SHROOM3: variants seen among roughly 807,000 people sequenced by gnomAD.
SHROOM3 encodes the protein shroom family member 3, also known as protein Shroom3.
In SHROOM3, 47 loss-of-function variants were observed where a neutral mutation model predicts 138.6. The observed-to-expected ratio is 0.34, with a 90% CI of 0.27 to 0.43. The LOEUF (loss-of-function observed/expected upper bound fraction) is 0.43. SHROOM3 is among the 20% of genes least tolerant of loss of function. SHROOM3 has a pLI of 1.00. For missense variants in SHROOM3, 2,491 were observed against 2,596.5 expected (o/e 0.96, Z 0.88); for synonymous variants, 1,062 against 1,063.3 (o/e 1.00, Z 0.02).
chr4:76,681,455 TA>T (rs535374678), intron 2 of SHROOM3, among the ~76,000 whole-genome samples: 3,124 of 145,266 alleles, frequency 0.022, 45 homozygotes, highest in Admixed American at 0.042. Context: ...ACTGTTTCTT[TA>T]AAAAAAAAAA....
intron 2 of SHROOM3, among the ~76,000 whole-genome samples, chr4:76,573,073 A>T (rs1376050302): frequency 1.3e-5 from 2 of 151,446 alleles, no homozygotes; most frequent in African/African-American, 2.4e-5. Flanking sequence ...AGAGCTAGAC[A>T]CTGTCTCAAA....
chr4:76,577,578 T>C (rs2110041624), intron 2 of SHROOM3, among the ~76,000 whole-genome samples: 1 of 152,308 alleles, frequency 6.6e-6, no homozygotes, highest in South Asian at 2.1e-4. Flanking sequence ...ATATAACAAT[T>C]CACGTTTATC....
intron 2 of SHROOM3, among the ~76,000 whole-genome samples, chr4:76,601,515 T>G (rs1489431036): frequency 6.6e-6 from 1 of 152,184 alleles, no homozygotes; most frequent in Non-Finnish European, 1.5e-5. Flanking sequence ...GAAAATATAC[T>G]CCTTTGCTTT....
rs183458259 is a variant in SHROOM3, at chr4:76,641,533, C to T, written c.324-68623C>T. ...TGTCAGGAAGAAGGGCACACCCTAG[C>T]CGATGCACGGAAGTAACATTTGCAT... On this transcript the variant is annotated intron_variant, in intron 2 of 10. Transcript: ENST00000296043. Among the ~76,000 whole-genome samples, 172 of 152,330 alleles carry T rather than the reference C, an allele frequency of 1.1e-3. 2 individuals carry two copies. Among genetic ancestry groups the T allele is most frequent in the Non-Finnish European group, 1.0e-4 (7 of 68,032 alleles).
At chr4:76,580,658 T>G (rs1373112331) in intron 2 of SHROOM3, among the ~76,000 whole-genome samples, 3 of 152,106 alleles carry the variant, frequency 2.0e-5, no homozygotes, top group Non-Finnish European at 2.9e-5. Flanking sequence ...ACACCTGACC[T>G]CAGGTGATCT....
rs777510055 is a variant in SHROOM3 at position 76,710,120 on chromosome 4, A to G, written c.324-36A>G. On this transcript the variant is annotated intron_variant, in intron 2 of 10. Coordinates refer to ENST00000296043, the MANE Select transcript of SHROOM3 (RefSeq NM_020859.4). Reference sequence around the variant, plus strand: ...ATTTGTGCTCCTGTCCATGAACACCATCATGCTCAGCTTCTTCTTTTCCTA... The same window carrying G: ...ATTTGTGCTCCTGTCCATGAACACCGTCATGCTCAGCTTCTTCTTTTCCTA... The G allele has an allele frequency of 1.1e-5, 17 of 1,613,426 alleles. No homozygotes were observed. In the East Asian group the frequency reaches 3.1e-4, roughly 30 times the overall value.
chr4:76,645,891 C>G (rs1327301980), intron 2 of SHROOM3, among the ~76,000 whole-genome samples: 1 of 152,090 alleles, frequency 6.6e-6, no homozygotes, highest in Non-Finnish European at 1.5e-5. Context: ...CTCATACTCC[C>G]CAAAATAGGC....
intron 1 of SHROOM3, among the ~76,000 whole-genome samples, chr4:76,535,512 A>T (rs947384802): frequency 2.0e-5 from 3 of 152,230 alleles, no homozygotes; most frequent in Non-Finnish European, 2.9e-5. Context: ...GGTGATCTTG[A>T]TGACAATAAT....
intron 2 of SHROOM3, among the ~76,000 whole-genome samples, chr4:76,676,944 C>CAAAAAAAAAAAAAA (rs58270392): frequency 2.5e-5 from 2 of 79,046 alleles, no homozygotes; most frequent in African/African-American, 1.1e-4. Flanking sequence ...CTCCGTCTCA[C>CAAAAAAAAAAAAAA]AAAAAAAAAA....
chr4:76,607,827 A>G (rs1734654750), intron 2 of SHROOM3, among the ~76,000 whole-genome samples: 2 of 152,190 alleles, frequency 1.3e-5, no homozygotes, highest in East Asian at 1.9e-4. Flanking sequence ...GCCCCTGGTA[A>G]TCCATGGAAA....
intron 1 of SHROOM3, among the ~76,000 whole-genome samples, chr4:76,515,558 A>G (rs1732427377): frequency 6.6e-6 from 1 of 152,190 alleles, no homozygotes; most frequent in Non-Finnish European, 1.5e-5. Context: ...TAATGAGCAC[A>G]TTGACCATTG....
rs140906429 is a variant in SHROOM3 at position 76,662,256 on chromosome 4, T to G, written c.324-47900T>G. On this transcript the variant is annotated intron_variant, in intron 2 of 10. Transcript: ENST00000296043. ...AATTCAGCTCCTTCTTGTTGTTGTTTGAATTCAGTTTCTTGTGGTTGTAGG... is the reference window on the plus strand; with the variant it reads ...AATTCAGCTCCTTCTTGTTGTTGTTGGAATTCAGTTTCTTGTGGTTGTAGG... Among the ~76,000 whole-genome samples the G allele has an allele frequency of 2.9e-3, 437 of 152,274 alleles. 1 individual carries two copies. Among genetic ancestry groups the G allele is most frequent in the African/African-American group, 9.5e-3 (395 of 41,540 alleles).
intron 1 of SHROOM3, among the ~76,000 whole-genome samples, chr4:76,524,736 C>G (rs1174148401): frequency 2.0e-5 from 3 of 152,170 alleles, no homozygotes; most frequent in Admixed American, 6.5e-5. Context: ...TACCCCTTCA[C>G]CCTGCCCCCA....
intron 2 of SHROOM3, among the ~76,000 whole-genome samples, chr4:76,686,992 G>A (rs1161666035): frequency 6.6e-6 from 1 of 152,178 alleles, no homozygotes; most frequent in Non-Finnish European, 1.5e-5. Context: ...ACTTATTCCA[G>A]TCTCTCTGGT....
At chr4:76,772,103 CTTTTTT>C (rs35590411) in intron 10 of SHROOM3, among the ~76,000 whole-genome samples, 3 of 125,140 alleles carry the variant, frequency 2.4e-5, no homozygotes, top group Non-Finnish European at 3.3e-5. Flanking sequence ...TTTTCTTTTT[CTTTTTT>C]TTTTTTTTTT....
At chr4:76,544,568 T>C (rs1733172937) in intron 1 of SHROOM3, among the ~76,000 whole-genome samples, 1 of 152,012 alleles carries the variant, frequency 6.6e-6, no homozygotes, top group South Asian at 2.1e-4. Flanking sequence ...GTTTTGTTTT[T>C]GTATTTTTAG....
At chr4:76,653,697 C>T (rs1406389019) in intron 2 of SHROOM3, among the ~76,000 whole-genome samples, 2 of 152,060 alleles carry the variant, frequency 1.3e-5, no homozygotes, top group Non-Finnish European at 2.9e-5. Flanking sequence ...TTCTGAGTAG[C>T]TGGGACTACA....
chr4:76,755,521 T>C (rs1021514926), intron 7 of SHROOM3, among the ~76,000 whole-genome samples: 3 of 152,160 alleles, frequency 2.0e-5, no homozygotes, highest in South Asian at 2.1e-4. Context: ...GAGGAGGGCA[T>C]ATAGAAGACA....
At chr4:76,475,769 GCACT>G (rs1444285877) in intron 1 of SHROOM3, among the ~76,000 whole-genome samples, 1 of 152,156 alleles carries the variant, frequency 6.6e-6, no homozygotes, top group Non-Finnish European at 1.5e-5. Context: ...TTTATACCAA[GCACT>G]CAATTTTCTC....
Sources: gnomAD v4.1 joint callset for allele counts (sites outside exome capture counted in the v4.1 genomes callset) on GRCh38, gnomAD v4.1.1 for gene constraint, MANE v1.5 for transcripts, NCBI Gene and HGNC (gene_info 2026-07-23, HGNC 2026-07-21) for gene names.